Variants in PKHD1L1 observed in about 807,000 individuals in gnomAD.
The protein encoded by PKHD1L1 is fibrocystin-L.
Under a neutral mutation model 462.9 loss-of-function variants are expected in PKHD1L1, and 434 were observed. The ratio of observed to expected loss-of-function variants is 0.94; its 90% CI spans 0.87 to 1.02. The LOEUF (loss-of-function observed/expected upper bound fraction) is 1.02. Ranked by LOEUF, PKHD1L1 falls within the 50% of genes least tolerant of loss-of-function variation. The probability of loss-of-function intolerance (pLI) is 0.00; values close to 1 mark genes in which losing one functional copy is unlikely to be tolerated. For synonymous variants in PKHD1L1, 1,781 were observed against 1,750.0 expected (o/e 1.02, Z -0.44); for missense variants, 5,202 against 5,096.1 (o/e 1.02, Z -0.63).
intron 25 of PKHD1L1, among the ~76,000 whole-genome samples, chr8:109,428,705 G>T (rs1238864349): frequency 6.6e-6 from 1 of 152,016 alleles, no homozygotes; most frequent in African/African-American, 2.4e-5. Context: ...CTTATTCATT[G>T]TTTCTGTTCC....
chr8:109,486,556 T>C (rs1818537404), intron 58 of PKHD1L1, 92 bp from the exon 59 acceptor site: 2 of 1,261,178 alleles, frequency 1.6e-6, no homozygotes, highest in Non-Finnish European at 2.2e-6. Flanking sequence ...TTTGGCTTAT[T>C]AGAAGGCTGT....
At position 109,444,847 on chromosome 8, in the gene PKHD1L1, A is replaced by G. The variant is rs761527850; in HGVS notation, c.4978A>G (p.Asn1660Asp). Residue 1660 changes from asparagine to aspartate, a missense_variant, in exon 38 of 78, where the codon AAC (asparagine) becomes GAC (aspartate). By Grantham distance (23) the Asn-to-Asp change is conservative. This residue lies in a region of PKHD1L1 where 4,497 missense variants were observed against 4,336.8 expected (regional missense o/e 1.04). Transcript: ENST00000378402. ...TGATAGGCGATTTGTACTTTTGCCAAACATTGACCTGGTGTTGCCAAATGC... is the reference window on the plus strand; with the variant it reads ...TGATAGGCGATTTGTACTTTTGCCAGACATTGACCTGGTGTTGCCAAATGC... ...EFDRRFVLLP[N>D]IDLVLPNAGS... 1.2e-6 allele frequency: 2 copies of G among 1,613,918 alleles called. No individual in the cohort carries two copies. The highest frequency in any genetic ancestry group is 3.3e-5 in the Admixed American group (2 of 60,002).
At chr8:109,411,022 C>T (rs1199054918) in intron 19 of PKHD1L1, among the ~76,000 whole-genome samples, 10 of 151,896 alleles carry the variant, frequency 6.6e-5, no homozygotes, top group Admixed American at 1.3e-4. Context: ...CCACCGCACC[C>T]GGCCTTGGTT....
rs1279590619 is a variant in PKHD1L1 at position 109,456,350 on chromosome 8, G to A, written c.6963G>A (p.Trp2321Ter). The change falls in exon 46 of 78, where the codon TGG (tryptophan) becomes TGA (stop). Residue 2321 changes from tryptophan to a stop codon, truncating the protein, a stop_gained. Coordinates refer to ENST00000378402, the MANE Select transcript of PKHD1L1 (RefSeq NM_177531.6). LOFTEE classifies it high-confidence loss of function. ...TAATTTTACAAGAAGCAGTAACATG[G>A]AAACCAGGAGATAACATTGTAATTG... ...RILILQEAVT[W>*]KPGDNIVIAS... 6.2e-7 allele frequency: 1 copy of A among 1,610,444 alleles called. No homozygotes were observed. Among genetic ancestry groups the A allele is most frequent in the East Asian group, 2.2e-5 (1 of 44,804 alleles).
intron 47 of PKHD1L1, 136 bp from the exon 48 acceptor site, chr8:109,461,636 T>G: frequency 1.1e-6 from 1 of 928,690 alleles, no homozygotes; most frequent in Admixed American, 2.9e-5. Context: ...GGAAATGATG[T>G]GAATGCAAAT....
chr8:109,468,224 T>C (rs1586576815), intron 50 of PKHD1L1, among the ~76,000 whole-genome samples: 1 of 152,220 alleles, frequency 6.6e-6, no homozygotes, highest in Admixed American at 6.5e-5. Context: ...TTACACTCCA[T>C]GTTGTCAGCT....
In PKHD1L1 at chr8:109,534,503, TGTTGGGTTGG is replaced by T. The variant is rs1301604003; in HGVS notation, c.*4420_*4429del. ...AAAACTTTAATCTGAATCCATTATGTGTTGGGTTGGGTTGGGGAACCTACCAAAACAGTGG... is the reference window on the plus strand; with the variant it reads ...AAAACTTTAATCTGAATCCATTATGTGTTGGGGAACCTACCAAAACAGTGG... On this transcript the variant is annotated 3_prime_UTR_variant, in exon 78 of 78. Transcript: ENST00000378402. 1.3e-5 allele frequency among the ~76,000 whole-genome samples: 2 copies of T among 151,940 alleles called. No homozygotes were observed. The highest frequency in any genetic ancestry group is 2.9e-5 in the Non-Finnish European group (2 of 67,980).
chr8:109,388,378 T>C, intron 6 of PKHD1L1, 119 bp from the exon 7 acceptor site: 1 of 712,536 alleles, frequency 1.4e-6, no homozygotes, highest in Non-Finnish European at 2.5e-6. Flanking sequence ...GAGTGAGGGA[T>C]AATAATAAGT....
chr8:109,386,248 C>T (rs1284645103), intron 6 of PKHD1L1, among the ~76,000 whole-genome samples: 4 of 152,206 alleles, frequency 2.6e-5, no homozygotes, highest in Non-Finnish European at 5.9e-5. Context: ...AGCGTTGTCA[C>T]TAGAGTTTCC....
intron 31 of PKHD1L1, 27 bp from the exon 32 acceptor site, chr8:109,438,870 A>T (rs1188165725): frequency 1.3e-6 from 2 of 1,498,206 alleles, no homozygotes; most frequent in Admixed American, 2.2e-5. Flanking sequence ...AACTTTTTGC[A>T]TTATTTTTTA....
Position 109,531,443 on chromosome 8 carries a change from G to T in PKHD1L1, c.*1353G>T, listed in dbSNP as rs116007661. On this transcript the variant is annotated 3_prime_UTR_variant, in exon 78 of 78. Coordinates refer to ENST00000378402, the MANE Select transcript of PKHD1L1 (RefSeq NM_177531.6). ...ATGATCACTGTCTCAGGGAGAGAGA[G>T]ACAGAGAAAGACAGAGAGATAGAGA... Among the ~76,000 whole-genome samples, 1,307 of 151,432 alleles carry T rather than the reference G, an allele frequency of 8.6e-3. 14 individuals are homozygous for T. The highest frequency in any genetic ancestry group is 0.03 in the African/African-American group (1,227 of 41,504).
intron 61 of PKHD1L1, among the ~76,000 whole-genome samples, chr8:109,491,476 C>A (rs73313157): frequency 6.6e-6 from 1 of 151,772 alleles, no homozygotes; most frequent in Non-Finnish European, 1.5e-5. Context: ...AAATTTAATA[C>A]TCCTCACTTA....
intron 50 of PKHD1L1, 137 bp downstream of exon 50, chr8:109,466,906 A>G (rs1392656704): frequency 1.3e-6 from 1 of 779,064 alleles, no homozygotes; most frequent in East Asian, 2.7e-5. Context: ...CAAGCAGGAA[A>G]CAAATAATAC....
chr8:109,508,412 G>C, intron 70 of PKHD1L1, 148 bp downstream of exon 70: 1 of 778,594 alleles, frequency 1.3e-6, no homozygotes, highest in Non-Finnish European at 2.0e-6. Flanking sequence ...GCAATGCGCA[G>C]GGGAGAGACT....
intron 47 of PKHD1L1, among the ~76,000 whole-genome samples, chr8:109,460,077 G>A (rs1817035847): frequency 6.6e-6 from 1 of 151,992 alleles, no homozygotes; most frequent in African/African-American, 2.4e-5. Flanking sequence ...TTGAAGAAAA[G>A]TGGTTAATGC....
chr8:109,385,448 T>G (rs1812389866), intron 5 of PKHD1L1, 89 bp from the exon 6 acceptor site: 3 of 806,732 alleles, frequency 3.7e-6, no homozygotes, highest in Non-Finnish European at 5.8e-6. Context: ...GGTCCTGGTT[T>G]TATTGGGAAA....
Position 109,413,437 on chromosome 8 carries a change from A to G in PKHD1L1, c.2252A>G (p.Lys751Arg). 6.4e-7 allele frequency: 1 copy of G among 1,556,048 alleles called. No homozygotes were observed. Among genetic ancestry groups the G allele is most frequent in the Admixed American group, 1.8e-5 (1 of 55,132 alleles). ...TTTATGTAGTTATGTTTAGCATACAAAGGATTCCTGGCAAATTATATTGGT... is the reference window on the plus strand; with the variant it reads ...TTTATGTAGTTATGTTTAGCATACAGAGGATTCCTGGCAAATTATATTGGT... ...FPYNQLCLAYKGFLANYIGLK... is the reference protein window; with the variant it reads ...FPYNQLCLAYRGFLANYIGLK... Residue 751 changes from lysine to arginine, a missense_variant, in exon 21 of 78, where the codon AAA becomes AGA. Physicochemically the swap from Lys to Arg is conservative, Grantham distance 26. Coordinates refer to ENST00000378402, the MANE Select transcript of PKHD1L1 (RefSeq NM_177531.6).
rs1367006557 is a variant in PKHD1L1 at position 109,452,800 on chromosome 8, T to C, written c.6590T>C (p.Leu2197Pro). Residue 2197 changes from leucine (L) to proline (P), a missense_variant, in exon 43 of 78, where the codon CTT (leucine) becomes CCT (proline). By Grantham distance (98) the Leu-to-Pro change is moderately conservative (BLOSUM62 -3). Coordinates refer to ENST00000378402, the MANE Select transcript of PKHD1L1 (RefSeq NM_177531.6). ...AAATCTCCCCCAGAAGAAGGATCTCTTGTTGTTATTACAAAAGGACAGACC... is the reference window on the plus strand; with the variant it reads ...AAATCTCCCCCAGAAGAAGGATCTCCTGTTGTTATTACAAAAGGACAGACC... ...GGKSPPEEGS[L>P]VVITKGQTIL... The C allele has an allele frequency of 2.6e-6, 4 of 1,536,562 alleles. No homozygotes were observed. The highest frequency in any genetic ancestry group is 2.6e-6 in the Non-Finnish European group (3 of 1,143,664).
At chr8:109,365,196 G>T (rs1811170100) in intron 2 of PKHD1L1, among the ~76,000 whole-genome samples, 1 of 152,116 alleles carries the variant, frequency 6.6e-6, no homozygotes, top group Admixed American at 6.5e-5. Context: ...TTAATGCACA[G>T]CTTTTCCTAG....
Sources: allele counts gnomAD v4.1 joint callset (sites outside exome capture counted in the v4.1 genomes callset), GRCh38; gene constraint gnomAD v4.1.1; regional missense constraint gnomAD v4.1.1; transcripts MANE v1.5; gene names NCBI Gene and HGNC (gene_info 2026-07-23, HGNC 2026-07-21).